The following OGT variants were observed in gnomAD, a reference collection of about 807,000 sequenced individuals.
OGT encodes UDP-N-acetylglucosamine--peptide N-acetylglucosaminyltransferase 110 kDa subunit.
A neutral mutation model predicts 75.8 loss-of-function variants in OGT; 3 were observed. The ratio of observed to expected loss-of-function variants is 0.04; its 90% CI spans 0.02 to 0.10. The LOEUF is 0.10. Ranked by LOEUF, OGT falls within the 10% of genes least tolerant of loss-of-function variation. The pLI is 1.00. For missense variants in OGT, 260 were observed against 824.4 expected (o/e 0.32, Z 8.38); for synonymous variants, 257 against 289.7 (o/e 0.89, Z 1.15).
At chrX:71,542,441 G>A (rs1235530588) in intron 3 of OGT, among the ~76,000 whole-genome samples, 1 of 112,026 alleles carries the variant, frequency 8.9e-6, no homozygotes, top group Non-Finnish European at 1.9e-5. Context: ...TGAAGATAAT[G>A]TATTTTTAAC....
At chrX:71,543,764 GTGTATATATATA>G (rs1410631509) in intron 3 of OGT, among the ~76,000 whole-genome samples, 1 of 61,033 alleles carries the variant, frequency 1.6e-5, no homozygotes, top group East Asian at 1.1e-3. Flanking sequence ...GTGTGTGTGT[GTGTATATATATA>G]TATATATATA....
intron 5 of OGT, among the ~76,000 whole-genome samples, chrX:71,553,297 T>C (rs1168714157): frequency 9.0e-6 from 1 of 111,594 alleles, no homozygotes; most frequent in African/African-American, 3.3e-5. Flanking sequence ...TTTCGCCATG[T>C]TGGCCAGGGT....
intron 9 of OGT, 45 bp downstream of exon 9, chrX:71,556,825 T>C: frequency 9.5e-7 from 1 of 1,056,688 alleles, no homozygotes; most frequent in Non-Finnish European, 1.3e-6. Flanking sequence ...TTTTTAATTT[T>C]AAAATGTTTG....
At chrX:71,546,550 T>C in intron 4 of OGT, 1 of 754,253 alleles carries the variant, frequency 1.3e-6, no homozygotes, top group Non-Finnish European at 1.6e-6. Flanking sequence ...TCTTCTGTCT[T>C]GTGGCTTCAG....
In OGT at chrX:71,533,187, A is replaced by G. The variant is rs1313755320; in HGVS notation, c.-113A>G. 6.7e-6 allele frequency: 5 copies of G among 750,435 alleles called. No individual in the cohort carries two copies. Among genetic ancestry groups the G allele is most frequent in the Non-Finnish European group, 1.0e-5 (5 of 496,633 alleles). The allele number at this position is 750,435 out of a possible 1,213,427, so 61.8% of individuals were successfully genotyped here. Reference sequence around the variant, plus strand: ...ACTGCTGCCGCCGCTCAAGCCCTCCAGAGCATTGCTACGGCTGCTGCCCTT... The same window carrying G: ...ACTGCTGCCGCCGCTCAAGCCCTCCGGAGCATTGCTACGGCTGCTGCCCTT... On this transcript the variant is annotated 5_prime_UTR_variant, in exon 1 of 22. Transcript: ENST00000373719.
At chrX:71,553,136 G>T (rs1377689966) in intron 5 of OGT, among the ~76,000 whole-genome samples, 1 of 111,662 alleles carries the variant, frequency 9.0e-6, no homozygotes, top group East Asian at 2.8e-4. Context: ...CTGTCGCCCA[G>T]GCTGGAGTGC....
At chrX:71,566,692 A>T (rs1208262139) in intron 19 of OGT, among the ~76,000 whole-genome samples, 1 of 112,270 alleles carries the variant, frequency 8.9e-6, no homozygotes, top group Non-Finnish European at 1.9e-5. Context: ...GGGTATTTGT[A>T]GTCTTTTATT....
chrX:71,547,787 G>T, intron 4 of OGT, 120 bp from the exon 5 acceptor site: 1 of 1,154,428 alleles, frequency 8.7e-7, no homozygotes, highest in East Asian at 3.1e-5. Context: ...GGTCAGAGAA[G>T]GAATAATGAT....
At position 71,536,199 on chromosome X, in the gene OGT, C is replaced by G; in HGVS notation, c.59C>G (p.Ser20Cys). The G allele has an allele frequency of 8.3e-7, 1 of 1,204,521 alleles. No homozygotes were observed. Among genetic ancestry groups the G allele is most frequent in the South Asian group, 1.8e-5 (1 of 55,187 alleles). Residue 20 changes from serine (S) to cysteine (C), a missense_variant, in exon 2 of 22, where the codon TCC (serine) becomes TGC (cysteine). Coordinates refer to ENST00000373719, the MANE Select transcript of OGT (RefSeq NM_181672.3). ...DSTEPTKRML[S>C]FQGLAELAHR... The stretch of plus-strand genomic sequence containing the variant: ...CCAGAACCAACGAAACGTATGCTTT[C>G]CTTCCAAGGGTTAGCTGAGTTGGCA...
chrX:71,566,351 G>C (rs2040416174), intron 19 of OGT, among the ~76,000 whole-genome samples: 1 of 111,996 alleles, frequency 8.9e-6, no homozygotes, highest in Non-Finnish European at 1.9e-5. Context: ...CCCGAGACTG[G>C]GTAATTTATA....
At chrX:71,573,096 C>T (rs1385184748) in intron 21 of OGT, among the ~76,000 whole-genome samples, 1 of 112,146 alleles carries the variant, frequency 8.9e-6, no homozygotes, top group East Asian at 2.8e-4. Context: ...GACCATAAAT[C>T]GAATACTTCA....
chrX:71,562,765 T>C, intron 15 of OGT, 82 bp from the exon 16 acceptor site: 6 of 889,196 alleles, frequency 6.7e-6, no homozygotes, highest in East Asian at 6.3e-5. Context: ...GTTGTACATA[T>C]TTAATGTATG....
chrX:71,567,113 C>A (rs111927851), intron 19 of OGT, among the ~76,000 whole-genome samples: 82 of 112,553 alleles, frequency 7.3e-4, no homozygotes, highest in African/African-American at 2.4e-3. Context: ...CTATCTGGCC[C>A]TTTACAGAAA....
rs1367368058 is a variant in OGT, at chrX:71,563,455, A to G, written c.2392A>G (p.Thr798Ala). ...GATTAACCGAGGACAGATTCAAATA[A>G]CAATTAATGGATTCAGTATTAGCAA... ...EMINRGQIQI[T>A]INGFSISNGL... Residue 798 changes from threonine (T) to alanine (A), a missense_variant, in exon 18 of 22, where the codon ACA becomes GCA. By Grantham distance (58) the Thr-to-Ala change is moderately conservative. This residue lies in a region of OGT where 79 missense variants were observed against 141.0 expected (regional missense o/e 0.56). Transcript: ENST00000373719. The G allele has an allele frequency of 8.3e-7, 1 of 1,205,577 alleles. No individual in the cohort carries two copies. Among genetic ancestry groups the G allele is most frequent in the African/African-American group, 1.7e-5 (1 of 57,211 alleles).
At chrX:71,543,639 T>C (rs2040235764) in intron 3 of OGT, among the ~76,000 whole-genome samples, 1 of 109,555 alleles carries the variant, frequency 9.1e-6, no homozygotes, top group Non-Finnish European at 1.9e-5. Flanking sequence ...AGTCATTTGC[T>C]AAATATGTTT....
chrX:71,550,754 A>G (rs2040297936), intron 5 of OGT, among the ~76,000 whole-genome samples: 1 of 111,580 alleles, frequency 9.0e-6, no homozygotes, highest in African/African-American at 3.3e-5. Flanking sequence ...CTCATTGCAT[A>G]TTTTTGCTTT....
At chrX:71,534,856 A>G (rs1182621547) in intron 1 of OGT, among the ~76,000 whole-genome samples, 1 of 111,911 alleles carries the variant, frequency 8.9e-6, no homozygotes, top group Non-Finnish European at 1.9e-5. Context: ...AGTTTCTATT[A>G]AAGATATAAC....
chrX:71,569,091 A>C (rs986344462), intron 21 of OGT, among the ~76,000 whole-genome samples: 1 of 111,544 alleles, frequency 9.0e-6, no homozygotes, highest in Admixed American at 9.5e-5. Context: ...GCACTTTGGG[A>C]GGGCGAGGTG....
Position 71,533,280 on chromosome X carries a change from T to C in OGT, c.-20T>C, listed in dbSNP as rs1156914067. 8 of 1,194,403 alleles carry C rather than the reference T, an allele frequency of 6.7e-6. No individual in the cohort carries two copies. Among genetic ancestry groups the C allele is most frequent in the Non-Finnish European group, 7.9e-6 (7 of 886,345 alleles). The stretch of plus-strand genomic sequence containing the variant: ...GCAGGACCAATTACCTCTTTTTTGC[T>C]CTCCCTCGAGAAGCTCCAGATGGCG... On this transcript the variant is annotated 5_prime_UTR_variant, in exon 1 of 22. Coordinates refer to ENST00000373719, the MANE Select transcript of OGT (RefSeq NM_181672.3).
Sources: gnomAD v4.1 joint callset for allele counts (sites outside exome capture counted in the v4.1 genomes callset) on GRCh38, gnomAD v4.1.1 for gene constraint, gnomAD v4.1.1 regional missense constraint, MANE v1.5 for transcripts, NCBI Gene and HGNC (gene_info 2026-07-23, HGNC 2026-07-21) for gene names.